ACACB: variants seen among roughly 807,000 people sequenced by gnomAD.
ACACB encodes the protein acetyl-CoA carboxylase 2.
In ACACB, 209 loss-of-function variants were observed where a neutral mutation model predicts 278.8. That is an observed-to-expected ratio of 0.75 (90% CI 0.67 to 0.84). The LOEUF (loss-of-function observed/expected upper bound fraction) is 0.84, where lower values mean the gene tolerates loss of function less well. Among genes scored for constraint, ACACB ranks in the 40% least tolerant of loss-of-function variants. The pLI, the probability that ACACB is intolerant of heterozygous loss-of-function variation, is 0.00. For synonymous variants in ACACB, 1,174 were observed against 1,285.6 expected (o/e 0.91, Z 1.86); for missense variants, 2,850 against 3,269.0 (o/e 0.87, Z 3.13).
intron 1 of ACACB, among the ~76,000 whole-genome samples, chr12:109,128,105 A>G (rs1041747215): frequency 1.3e-5 from 2 of 152,082 alleles, no homozygotes; most frequent in Non-Finnish European, 2.9e-5. Flanking sequence ...CCCGGAAGGT[A>G]TCCTCTCTGA....
chr12:109,171,907 C>T lies in ACACB; in HGVS notation c.1028C>T (p.Pro343Leu). 1 of 1,613,830 alleles carries T rather than the reference C, an allele frequency of 6.2e-7. No homozygotes were observed. The highest frequency in any genetic ancestry group is 8.5e-7 in the Non-Finnish European group (1 of 1,179,764). The change falls in exon 5 of 53, where the codon CCC becomes CTC. Residue 343 changes from proline to leucine, a missense_variant. Physicochemically the swap from Pro to Leu is moderately conservative, Grantham distance 98. This residue lies in a region of ACACB where 2,265 missense variants were observed against 2,561.3 expected (regional missense o/e 0.88). Transcript: ENST00000338432. ...ATTGTGGACATTGCCAAGAGAATCC[C>T]CGTGCAGGTAGATGGACTGGGGTGC... The part of the protein sequence containing the change: ...ELIVDIAKRI[P>L]VQAVWAGWGH...
At chr12:109,198,396 A>C (rs1380573495) in intron 17 of ACACB, among the ~76,000 whole-genome samples, 2 of 152,202 alleles carry the variant, frequency 1.3e-5, no homozygotes, top group Non-Finnish European at 2.9e-5. Context: ...AAAAAGGGTC[A>C]CATCCTTTTT....
chr12:109,137,633 C>T (rs1442285472), intron 1 of ACACB, among the ~76,000 whole-genome samples: 1 of 151,284 alleles, frequency 6.6e-6, no homozygotes, highest in African/African-American at 2.4e-5. Flanking sequence ...ATGCTCCCAC[C>T]TGGGCGACAG....
At chr12:109,264,408 T>G (rs747793484) in intron 50 of ACACB, 22 bp downstream of exon 50, 4 of 1,613,312 alleles carry the variant, frequency 2.5e-6, no homozygotes, top group African/African-American at 1.3e-5. Flanking sequence ...AGCTGCCGTG[T>G]AGGGTGCAAA....
rs759142692 is a variant in ACACB at position 109,227,399 on chromosome 12, A to G, written c.3911A>G (p.Tyr1304Cys). Residue 1304 changes from tyrosine to cysteine, a missense_variant, in exon 28 of 53, where the codon TAT becomes TGT. Coordinates refer to ENST00000338432, the MANE Select transcript of ACACB (RefSeq NM_001093.4). ...TACGTGCGGAGGGGCTACATCGCCT[A>G]TGAGTTAAACAGCCTGCAGCACCGG... ...EVYVRRGYIA[Y>C]ELNSLQHRQL... 16 of 1,613,292 alleles carry G rather than the reference A, an allele frequency of 9.9e-6. No individual in the cohort carries two copies. The East Asian group carries it at 1.3e-4, about 13-fold the overall frequency.
Position 109,264,352 on chromosome 12 carries a change from C to CA in ACACB, c.6909dup (p.Pro2304ThrfsTer12). 6.2e-7 allele frequency: 1 copy of CA among 1,614,104 alleles called. No homozygotes were observed. On this transcript the variant is annotated frameshift_variant, in exon 50 of 53. Transcript: ENST00000338432. LOFTEE classifies it high-confidence loss of function. ...GTGCAGTTCGCCGACTTCCATGACA[C>CA]ACCCGGCCGGATGCTGGAGAAGGGC...
intron 28 of ACACB, among the ~76,000 whole-genome samples, chr12:109,230,260 G>A (rs1452705413): frequency 1.3e-5 from 2 of 152,124 alleles, no homozygotes; most frequent in African/African-American, 4.8e-5. Flanking sequence ...CTAGTTATTT[G>A]TTTTTACCCT....
intron 28 of ACACB, among the ~76,000 whole-genome samples, chr12:109,230,795 G>A (rs1448097507): frequency 6.6e-6 from 1 of 152,160 alleles, no homozygotes; most frequent in East Asian, 1.9e-4. Context: ...GCTCTCCTGA[G>A]GGCTGTGGGT....
intron 28 of ACACB, among the ~76,000 whole-genome samples, chr12:109,231,324 AT>A (rs1242481646): frequency 2.0e-5 from 3 of 151,564 alleles, no homozygotes; most frequent in East Asian, 1.9e-4. Flanking sequence ...CAGGAAATCT[AT>A]TTTTTTTTAA....
Position 109,168,096 on chromosome 12 carries a change from C to A in ACACB, c.925+62C>A, listed in dbSNP as rs1400915978. The A allele has an allele frequency of 1.9e-6, 3 of 1,540,652 alleles. No homozygotes were observed. The African/African-American group carries it at 4.1e-5, about 21-fold the overall frequency. ...CATCCTTGCCTGCCCTCGCCTCCTT[C>A]CCCTGTGCCTAGGCAAGTCCATCCT... On this transcript the variant is annotated intron_variant, in intron 4 of 52. Coordinates refer to ENST00000338432, the MANE Select transcript of ACACB (RefSeq NM_001093.4).
chr12:109,243,473 C>T (rs975599667), intron 37 of ACACB, among the ~76,000 whole-genome samples: 2 of 152,046 alleles, frequency 1.3e-5, no homozygotes, highest in East Asian at 3.9e-4. Context: ...GTGGCAGGCA[C>T]CTGTAGTCCC....
intron 15 of ACACB, 35 bp from the exon 16 acceptor site, chr12:109,193,613 C>G (rs752504349): frequency 6.4e-7 from 1 of 1,566,372 alleles, no homozygotes; most frequent in African/African-American, 1.4e-5. Context: ...CTCAGTCCCT[C>G]CCAAGGCTGA....
At chr12:109,223,751 C>G in intron 26 of ACACB, 64 bp from the exon 27 acceptor site, 2 of 1,492,150 alleles carry the variant, frequency 1.3e-6, no homozygotes, top group Non-Finnish European at 1.9e-6. Context: ...CAAATAAAAA[C>G]AAAGAAAAAC....
intron 28 of ACACB, among the ~76,000 whole-genome samples, chr12:109,231,935 G>A (rs2046485504): frequency 6.6e-6 from 1 of 152,238 alleles, no homozygotes. Flanking sequence ...TGTGCAAACA[G>A]TTGAGGCACA....
chr12:109,223,440 C>G (rs867716466), intron 26 of ACACB, among the ~76,000 whole-genome samples: 1 of 152,156 alleles, frequency 6.6e-6, no homozygotes, highest in South Asian at 2.1e-4. Context: ...CCACCGCCCC[C>G]ACTCATCAGA....
At chr12:109,221,870 A>G (rs2046170107) in intron 24 of ACACB, among the ~76,000 whole-genome samples, 1 of 147,282 alleles carries the variant, frequency 6.8e-6, no homozygotes, top group Admixed American at 6.7e-5. Context: ...GTGCCTGATA[A>G]TCACTGACCT....
intron 22 of ACACB, among the ~76,000 whole-genome samples, 176 bp from the exon 23 acceptor site, chr12:109,216,442 G>A (rs781629877): frequency 6.6e-6 from 1 of 150,858 alleles, no homozygotes; most frequent in African/African-American, 2.4e-5. Context: ...GGCTGGTCTC[G>A]ATCTCTTGAC....
At chr12:109,203,574 C>T (rs1488083254) in intron 19 of ACACB, among the ~76,000 whole-genome samples, 1 of 152,202 alleles carries the variant, frequency 6.6e-6, no homozygotes, top group African/African-American at 2.4e-5. Flanking sequence ...GCTGGGGCCC[C>T]AGTGCCAAAA....
chr12:109,129,624 A>C (rs535958110), intron 1 of ACACB, among the ~76,000 whole-genome samples: 1 of 152,360 alleles, frequency 6.6e-6, no homozygotes, highest in South Asian at 2.1e-4. Flanking sequence ...ATAGGATGTT[A>C]ATTCAGCCTG....
Sources: gnomAD v4.1 joint callset for allele counts (sites outside exome capture counted in the v4.1 genomes callset) on GRCh38, gnomAD v4.1.1 for gene constraint, gnomAD v4.1.1 regional missense constraint, MANE v1.5 for transcripts, NCBI Gene and HGNC (gene_info 2026-07-23, HGNC 2026-07-21) for gene names.